The following SNTB2 variants were observed in gnomAD, a reference collection of about 807,000 sequenced individuals.
SNTB2 encodes beta-2-syntrophin.
In SNTB2, 34 loss-of-function variants were observed where a neutral mutation model predicts 46.2. That is an observed-to-expected ratio of 0.74 (90% CI 0.56 to 0.98). The LOEUF (loss-of-function observed/expected upper bound fraction) is 0.98, where lower values mean the gene tolerates loss of function less well. SNTB2 is among the 50% of genes least tolerant of loss of function. The probability of loss-of-function intolerance (pLI) is 0.00; values close to 1 mark genes in which losing one functional copy is unlikely to be tolerated. For synonymous variants in SNTB2, 290 were observed against 312.6 expected, an observed-to-expected ratio of 0.93 and a Z score of 0.76; for missense variants, 603 against 731.4, an observed-to-expected ratio of 0.82 and a Z score of 2.02.
At chr16:69,202,183 C>T (rs1176243424) in intron 1 of SNTB2, among the ~76,000 whole-genome samples, 1 of 152,164 alleles carries the variant, frequency 6.6e-6, no homozygotes, top group Non-Finnish European at 1.5e-5. Flanking sequence ...GTTTCTGGCC[C>T]TGTCTCCTCT....
At chr16:69,223,693 A>G (rs572498098) in intron 1 of SNTB2, among the ~76,000 whole-genome samples, 15 of 151,734 alleles carry the variant, frequency 9.9e-5, no homozygotes, top group Non-Finnish European at 2.1e-4. Flanking sequence ...CAGTGGCCCA[A>G]TCTCGGCTCA....
chr16:69,278,861 T>C (rs937811725), intron 4 of SNTB2, among the ~76,000 whole-genome samples: 1 of 151,408 alleles, frequency 6.6e-6, no homozygotes, highest in Non-Finnish European at 1.5e-5. Context: ...GGGTTGGTTA[T>C]TGTTTATTGA....
intron 5 of SNTB2, among the ~76,000 whole-genome samples, chr16:69,287,235 A>C (rs1323937577): frequency 1.3e-5 from 2 of 151,804 alleles, no homozygotes; most frequent in Non-Finnish European, 2.9e-5. Flanking sequence ...TTTTTTTTAA[A>C]TTGTTTTTGG....
chr16:69,233,219 G>T (rs1001754841), intron 1 of SNTB2, among the ~76,000 whole-genome samples: 9 of 152,184 alleles, frequency 5.9e-5, no homozygotes, highest in Non-Finnish European at 1.3e-4. Flanking sequence ...GCAATAAAGG[G>T]AAATTAAGTG....
At chr16:69,286,193 C>G (rs926114036) in intron 5 of SNTB2, among the ~76,000 whole-genome samples, 1 of 152,224 alleles carries the variant, frequency 6.6e-6, no homozygotes, top group African/African-American at 2.4e-5. Context: ...TCAAGCTATT[C>G]TCTGGTCTTA....
rs1301103560 is a variant in SNTB2 at position 69,297,554 on chromosome 16, GT to G, written c.1346-2034del. 2.0e-5 allele frequency among the ~76,000 whole-genome samples: 3 copies of G among 151,178 alleles called. No individual in the cohort carries two copies. The East Asian group carries it at 5.8e-4, about 29-fold the overall frequency. On this transcript the variant is annotated intron_variant, in intron 5 of 6. Transcript: ENST00000336278. ...AATTGCTTCAACCTGGGAGGCAGAG[GT>G]TGCAGTGAGCCAAGATCACGCCACT...
intron 2 of SNTB2, among the ~76,000 whole-genome samples, chr16:69,248,596 C>T (rs1232172670): frequency 6.6e-6 from 1 of 152,122 alleles, no homozygotes; most frequent in East Asian, 1.9e-4. Context: ...TGCGCCTCTG[C>T]ACTCCAGTCT....
intron 2 of SNTB2, among the ~76,000 whole-genome samples, chr16:69,254,626 C>T (rs773348733): frequency 2.6e-5 from 4 of 152,116 alleles, no homozygotes; most frequent in Non-Finnish European, 5.9e-5. Context: ...AAAAGACAAG[C>T]CACACATTGG....
intron 1 of SNTB2, among the ~76,000 whole-genome samples, chr16:69,200,523 G>C (rs1964151419): frequency 6.6e-6 from 1 of 152,166 alleles, no homozygotes; most frequent in Non-Finnish European, 1.5e-5. Flanking sequence ...TCAAATTTAG[G>C]ATATAACTGC....
intron 1 of SNTB2, among the ~76,000 whole-genome samples, chr16:69,191,542 A>C (rs1964054419): frequency 8.5e-6 from 1 of 118,248 alleles, no homozygotes; most frequent in South Asian, 3.2e-4. Context: ...TGGACAACAG[A>C]GCAAGATCCT....
chr16:69,280,304 C>T (rs549947833), intron 4 of SNTB2, among the ~76,000 whole-genome samples: 1 of 152,360 alleles, frequency 6.6e-6, no homozygotes, highest in Non-Finnish European at 1.5e-5. Context: ...TCAATCCTTT[C>T]CCCACCTTTC....
chr16:69,279,599 C>A (rs1370227651), intron 4 of SNTB2, among the ~76,000 whole-genome samples: 3 of 134,860 alleles, frequency 2.2e-5, no homozygotes, highest in Non-Finnish European at 4.6e-5. Flanking sequence ...GATATGGGCT[C>A]ACTGCACACT....
intron 3 of SNTB2, among the ~76,000 whole-genome samples, chr16:69,263,554 G>T (rs1308072634): frequency 1.3e-5 from 2 of 151,884 alleles, no homozygotes; most frequent in East Asian, 3.9e-4. Flanking sequence ...AAGTAGCTGG[G>T]ATTACAGGTG....
intron 4 of SNTB2, among the ~76,000 whole-genome samples, chr16:69,278,445 T>A (rs1965002309): frequency 6.6e-6 from 1 of 151,770 alleles, no homozygotes; most frequent in Non-Finnish European, 1.5e-5. Flanking sequence ...ATACTTCACT[T>A]TTTTTTGTAG....
At position 69,298,512 on chromosome 16, in the gene SNTB2, C is replaced by CTTT. The variant is rs34908270; in HGVS notation, c.1346-1054_1346-1052dup. Among the ~76,000 whole-genome samples the CTTT allele has an allele frequency of 7.1e-3, 551 of 78,132 alleles. 68 individuals are homozygous for CTTT. The highest frequency in any genetic ancestry group is 0.019 in the African/African-American group (363 of 19,128). The allele number at this position is 78,132 out of a possible 152,430, so 51.3% of individuals were successfully genotyped here. A position where few individuals can be genotyped will look rare whatever the true frequency, so the allele number is the denominator to read the frequency against. On this transcript the variant is annotated intron_variant, in intron 5 of 6. Coordinates refer to ENST00000336278, the MANE Select transcript of SNTB2 (RefSeq NM_006750.4). ...CCCTGCCTGTCCAGTTTTACCAATT[C>CTTT]TTTTTTTTTTTTTTTTTTTTTTTTT... is the stretch of plus-strand genomic sequence containing the variant.
At chr16:69,279,370 A>T (rs1965014748) in intron 4 of SNTB2, among the ~76,000 whole-genome samples, 1 of 151,946 alleles carries the variant, frequency 6.6e-6, no homozygotes, top group Non-Finnish European at 1.5e-5. Flanking sequence ...AATTGTCTTT[A>T]TCCTTTCTTT....
intron 1 of SNTB2, among the ~76,000 whole-genome samples, chr16:69,223,393 C>T (rs546516013): frequency 6.6e-6 from 1 of 151,906 alleles, no homozygotes; most frequent in African/African-American, 2.4e-5. Flanking sequence ...CAAGGTTTCG[C>T]CATGTTGGCC....
chr16:69,263,962 A>G (rs979074288), intron 3 of SNTB2, among the ~76,000 whole-genome samples: 1 of 148,278 alleles, frequency 6.7e-6, no homozygotes, highest in Non-Finnish European at 1.5e-5. Flanking sequence ...TCCGCCTCCC[A>G]AAAAAAAAAT....
intron 1 of SNTB2, among the ~76,000 whole-genome samples, chr16:69,244,320 A>C (rs1964647581): frequency 6.6e-6 from 1 of 152,234 alleles, no homozygotes; most frequent in South Asian, 2.1e-4. Flanking sequence ...ATGTATGATC[A>C]GATATACACG....
Sources: allele counts gnomAD v4.1 joint callset (sites outside exome capture counted in the v4.1 genomes callset), GRCh38; gene constraint gnomAD v4.1.1; transcripts MANE v1.5; gene names NCBI Gene and HGNC (gene_info 2026-07-23, HGNC 2026-07-21).